SLC24A2: variants seen among roughly 807,000 people sequenced by gnomAD.
SLC24A2 encodes solute carrier family 24 member 2.
A neutral mutation model predicts 62.0 loss-of-function variants in SLC24A2; 36 were observed. The observed-to-expected ratio is 0.58, with a 90% CI of 0.44 to 0.77. The LOEUF is 0.77. SLC24A2 is among the 30% of genes least tolerant of loss of function. The pLI is 0.00. For synonymous variants in SLC24A2, 358 were observed against 294.0 expected (o/e 1.22, Z -2.23); for missense variants, 846 against 817.9 (o/e 1.03, Z -0.42).
the SLC24A2 span, among the ~76,000 whole-genome samples, chr9:19,832,459 G>T: frequency 6.6e-6 from 1 of 152,126 alleles, no homozygotes; most frequent in Non-Finnish European, 1.5e-5. Context: ...AATTTCAAAA[G>T]TAAGGTCAGG....
rs1821109726 is a variant in SLC24A2 at position 19,724,299 on chromosome 9, T to C, written c.930+61638A>G. The stretch of plus-strand genomic sequence containing the variant: ...TTGCTCAATCAGACTTAATAAGGAA[T>C]GCTAGGAAGAGAATGATGCTTCTAC... On this transcript the variant is annotated intron_variant, in intron 2 of 10. Transcript: ENST00000341998. Among the ~76,000 whole-genome samples the C allele has an allele frequency of 2.0e-5, 3 of 152,156 alleles. No homozygotes were observed. The South Asian group carries it at 6.2e-4, about 32-fold the overall frequency.
chr9:19,556,545 G>A (rs1195412044), intron 7 of SLC24A2, among the ~76,000 whole-genome samples: 1 of 152,110 alleles, frequency 6.6e-6, no homozygotes, highest in Non-Finnish European at 1.5e-5. Context: ...CTCATCACCA[G>A]TTCACAAGGA....
the SLC24A2 span, among the ~76,000 whole-genome samples, chr9:20,209,461 A>G: frequency 6.6e-6 from 1 of 152,194 alleles, no homozygotes; most frequent in Non-Finnish European, 1.5e-5. Context: ...TCTGAAACAC[A>G]GTGCTAAACA....
intron 2 of SLC24A2, among the ~76,000 whole-genome samples, chr9:19,741,456 C>G (rs1821675021): frequency 6.6e-6 from 1 of 152,206 alleles, no homozygotes; most frequent in Admixed American, 6.5e-5. Context: ...TTTTCCAACA[C>G]TCACATAACA....
At chr9:19,850,966 T>TAC in the SLC24A2 span, among the ~76,000 whole-genome samples, 13 of 19,978 alleles carry the variant, frequency 6.5e-4, 1 homozygote, top group East Asian at 1.5e-3. Flanking sequence ...TATATATATA[T>TAC]GTATATATAT....
At chr9:19,995,980 G>A in the SLC24A2 span, among the ~76,000 whole-genome samples, 1 of 152,248 alleles carries the variant, frequency 6.6e-6, no homozygotes, top group East Asian at 1.9e-4. Context: ...TAAAGGGAAG[G>A]TTGGAAGAGA....
At chr9:20,244,750 G>A in the SLC24A2 span, among the ~76,000 whole-genome samples, 2 of 152,242 alleles carry the variant, frequency 1.3e-5, no homozygotes, top group South Asian at 2.1e-4. Context: ...AAAGCAGAAG[G>A]TATTATACAA....
At chr9:19,800,503 C>T in the SLC24A2 span, among the ~76,000 whole-genome samples, 1 of 152,186 alleles carries the variant, frequency 6.6e-6, no homozygotes, top group Admixed American at 6.5e-5. Flanking sequence ...AATTCTTTCT[C>T]ACTGTTAGTT....
the SLC24A2 span, among the ~76,000 whole-genome samples, chr9:20,070,678 A>G: frequency 3.3e-5 from 5 of 152,244 alleles, no homozygotes; most frequent in Admixed American, 2.0e-4. Context: ...TTTATGCAAG[A>G]TCATTAGGAT....
chr9:20,108,942 C>T, the SLC24A2 span, among the ~76,000 whole-genome samples: 1 of 152,136 alleles, frequency 6.6e-6, no homozygotes, highest in African/African-American at 2.4e-5. Flanking sequence ...CAATAGAGCA[C>T]ATATACTGAC....
At chr9:19,639,026 A>G (rs567488038) in intron 2 of SLC24A2, among the ~76,000 whole-genome samples, 2 of 152,210 alleles carry the variant, frequency 1.3e-5, no homozygotes, top group African/African-American at 4.8e-5. Context: ...CAAGTCAATC[A>G]TTATCATCCC....
chr9:20,201,783 AT>A, the SLC24A2 span, among the ~76,000 whole-genome samples: 2 of 152,124 alleles, frequency 1.3e-5, no homozygotes, highest in African/African-American at 4.8e-5. Flanking sequence ...TAAATTGTTC[AT>A]TATTTCGAAA....
chr9:20,129,964 C>CAGAG, the SLC24A2 span, among the ~76,000 whole-genome samples: 1 of 149,474 alleles, frequency 6.7e-6, no homozygotes, highest in African/African-American at 2.5e-5. Flanking sequence ...CACACACACA[C>CAGAG]AGAGGTTAAG....
At position 19,512,398 on chromosome 9, in the gene SLC24A2, T is replaced by C. The variant is rs1310375815; in HGVS notation, c.*3755A>G. 5 of 152,248 alleles carry C rather than the reference T, an allele frequency of 3.3e-5. No individual in the cohort carries two copies. Among genetic ancestry groups the C allele is most frequent in the Non-Finnish European group, 4.4e-5 (3 of 68,052 alleles). The allele number at this position is 152,248 out of a possible 1,614,324, so 9.4% of individuals were successfully genotyped here. On this transcript the variant is annotated 3_prime_UTR_variant, in exon 11 of 11. Coordinates refer to ENST00000341998, the MANE Select transcript of SLC24A2 (RefSeq NM_020344.4). ...ATCTTCTGGGCAAGGCTTTAGGACA[T>C]TCTGCTGCATCTGCCGAGGGTATAA...
At chr9:20,276,531 G>A in the SLC24A2 span, among the ~76,000 whole-genome samples, 1 of 152,204 alleles carries the variant, frequency 6.6e-6, no homozygotes, top group East Asian at 1.9e-4. Flanking sequence ...GGTACATGGT[G>A]AAAGCTGTCA....
At chr9:20,025,898 T>G in the SLC24A2 span, among the ~76,000 whole-genome samples, 6 of 152,250 alleles carry the variant, frequency 3.9e-5, no homozygotes, top group East Asian at 1.2e-3. Flanking sequence ...TCACTGCTAT[T>G]AAAGAATTAT....
the SLC24A2 span, among the ~76,000 whole-genome samples, chr9:20,052,677 G>A: frequency 6.6e-6 from 1 of 152,044 alleles, no homozygotes; most frequent in African/African-American, 2.4e-5. Context: ...TTCTCCAATT[G>A]TCATGCCCTG....
At chr9:19,918,414 G>A in the SLC24A2 span, among the ~76,000 whole-genome samples, 1 of 141,788 alleles carries the variant, frequency 7.1e-6, no homozygotes, top group Non-Finnish European at 1.5e-5. Context: ...AAAAAGGAAA[G>A]TATTCTTTTG....
At chr9:19,732,369 C>T (rs1218258702) in intron 2 of SLC24A2, among the ~76,000 whole-genome samples, 1 of 152,098 alleles carries the variant, frequency 6.6e-6, no homozygotes, top group Non-Finnish European at 1.5e-5. Flanking sequence ...CCTGAGACCA[C>T]CTCTTGAAAA....
Sources: gnomAD v4.1 joint callset for allele counts (sites outside exome capture counted in the v4.1 genomes callset) on GRCh38, gnomAD v4.1.1 for gene constraint, MANE v1.5 for transcripts, NCBI Gene and HGNC (gene_info 2026-07-23, HGNC 2026-07-21) for gene names.